The following GADL1 variants were observed in gnomAD, a reference collection of about 807,000 sequenced individuals.
GADL1 encodes GAD like acidic amino acid decarboxylase 1.
GADL1 carries 71 observed loss-of-function variants against 69.5 expected under a neutral mutation model. The observed-to-expected ratio is 1.02, with a 90% CI of 0.84 to 1.25. The LOEUF (loss-of-function observed/expected upper bound fraction) is 1.25, where lower values mean the gene tolerates loss of function less well. GADL1 is among the 50% of genes most tolerant of loss of function. The pLI is 0.00. For missense variants in GADL1, 737 were observed against 631.8 expected, an observed-to-expected ratio of 1.17 and a Z score of -1.79; for synonymous variants, 254 against 214.4, an observed-to-expected ratio of 1.18 and a Z score of -1.62.
At position 30,802,158 on chromosome 3, in the gene GADL1, G is replaced by A. The variant is rs554924990; in HGVS notation, c.1051-1070C>T. On this transcript the variant is annotated intron_variant, in intron 11 of 14. Transcript: ENST00000282538. ...CAGCTTCATCTGCCCATCTCCTTGG[G>A]CTCAAAGGAGTAACTGGTATTTGGC... 6.6e-5 allele frequency among the ~76,000 whole-genome samples: 10 copies of A among 152,206 alleles called. No individual in the cohort carries two copies. The South Asian group carries it at 2.1e-3, about 32-fold the overall frequency.
intron 2 of GADL1, among the ~76,000 whole-genome samples, chr3:30,860,802 T>G (rs182505049): frequency 1.3e-3 from 191 of 152,106 alleles, no homozygotes; most frequent in South Asian, 8.5e-3. Context: ...AGAGTGCAGA[T>G]TGTGAAGTGA....
chr3:30,827,657 T>C (rs1245926590), intron 11 of GADL1, among the ~76,000 whole-genome samples: 2 of 151,902 alleles, frequency 1.3e-5, no homozygotes, highest in Non-Finnish European at 2.9e-5. Flanking sequence ...TGAAATCGTT[T>C]TTTAACGTGA....
chr3:30,888,235 A>G (rs796705563), intron 1 of GADL1, among the ~76,000 whole-genome samples: 2 of 152,180 alleles, frequency 1.3e-5, no homozygotes, highest in South Asian at 2.1e-4. Context: ...CTGGTTACTT[A>G]TAGGGGAGAA....
At chr3:30,752,309 T>G (rs1184188486) in intron 14 of GADL1, among the ~76,000 whole-genome samples, 2 of 144,164 alleles carry the variant, frequency 1.4e-5, no homozygotes, top group African/African-American at 2.4e-5. Flanking sequence ...ATTTCAGGCG[T>G]TGTAGGGGCC....
At position 30,800,020 on chromosome 3, in the gene GADL1, T is replaced by C. The variant is rs142802892; in HGVS notation, c.1250+869A>G. The C allele has an allele frequency of 6.3e-3, 955 of 152,450 alleles. 4 individuals are homozygous for C. Among genetic ancestry groups the C allele is most frequent in the Non-Finnish European group, 9.3e-3 (631 of 68,156 alleles). 9.4% of individuals were successfully genotyped at this position (152,450 alleles called of 1,614,324 possible). A position where few individuals can be genotyped will look rare whatever the true frequency, so the allele number is the denominator to read the frequency against. On this transcript the variant is annotated intron_variant, in intron 12 of 14. Coordinates refer to ENST00000282538, the MANE Select transcript of GADL1 (RefSeq NM_207359.3). ...CTCTAGGAAGTTCTGAATTTTCCTG[T>C]CTTCTTCTGAGCCCTTCAAACTATT...
intron 14 of GADL1, among the ~76,000 whole-genome samples, chr3:30,772,451 C>G (rs539244104): frequency 2.0e-4 from 30 of 152,326 alleles, no homozygotes; most frequent in Non-Finnish European, 2.6e-4. Flanking sequence ...ATTACATTCT[C>G]TGGGGTCTAA....
At chr3:30,828,658 A>G (rs963803765) in intron 11 of GADL1, among the ~76,000 whole-genome samples, 1 of 151,948 alleles carries the variant, frequency 6.6e-6, no homozygotes, top group African/African-American at 2.4e-5. Flanking sequence ...ATGTCAATAG[A>G]TAAAATTAGA....
chr3:30,844,968 C>G (rs141632742), intron 6 of GADL1, among the ~76,000 whole-genome samples: 52 of 152,126 alleles, frequency 3.4e-4, no homozygotes, highest in African/African-American at 1.2e-3. Context: ...ACTTGAAACC[C>G]TCTAAGGAGA....
At chr3:30,848,584 C>T (rs1698093622) in intron 6 of GADL1, among the ~76,000 whole-genome samples, 1 of 152,006 alleles carries the variant, frequency 6.6e-6, no homozygotes, top group African/African-American at 2.4e-5. Flanking sequence ...TAAACTCATT[C>T]TGCCAAGAAC....
In GADL1 at chr3:30,727,710, AC is replaced by A. The variant is rs1329460780; in HGVS notation, c.*531del. The stretch of plus-strand genomic sequence containing the variant: ...TCGATCATTACAAGGTTTTTCTTAA[AC>A]CAGTGTTTCTCGGATTTTACTGTGC... On this transcript the variant is annotated 3_prime_UTR_variant, in exon 15 of 15. Coordinates refer to ENST00000282538, the MANE Select transcript of GADL1 (RefSeq NM_207359.3). 2.0e-5 allele frequency: 3 copies of A among 152,254 alleles called. No homozygotes were observed. Among genetic ancestry groups the A allele is most frequent in the Admixed American group, 2.0e-4 (3 of 15,286 alleles). 9.4% of individuals were successfully genotyped at this position (152,254 alleles called of 1,614,324 possible).
chr3:30,778,300 C>A, intron 13 of GADL1, 32 bp from the exon 14 acceptor site: 2 of 1,349,788 alleles, frequency 1.5e-6, no homozygotes, highest in Non-Finnish European at 2.1e-6. Context: ...AAGTTGTTAT[C>A]TTAAGATTTA....
At chr3:30,754,083 G>C (rs1258039629) in intron 14 of GADL1, among the ~76,000 whole-genome samples, 1 of 152,168 alleles carries the variant, frequency 6.6e-6, no homozygotes, top group African/African-American at 2.4e-5. Flanking sequence ...TAGTCACACA[G>C]GCTTTCCTGA....
Position 30,728,353 on chromosome 3 carries a change from C to T in GADL1, c.1455G>A (p.Pro485=), listed in dbSNP as rs376871595. Residue 485 remains proline (P), a synonymous_variant, in exon 15 of 15, where the codon CCG becomes CCA. Transcript: ENST00000282538. The part of the protein sequence containing the change: ...KKGSLMLGYQ[P]HRGKVNFFRQ... ...GGAAGAAGTTGACCTTTCCCCGGTGCGGCTGGTAGCCCAGCATCAAGCTTC... is the reference window on the plus strand; with the variant it reads ...GGAAGAAGTTGACCTTTCCCCGGTGTGGCTGGTAGCCCAGCATCAAGCTTC... 88 of 1,613,628 alleles carry T rather than the reference C, an allele frequency of 5.5e-5. 1 individual carries two copies. Among genetic ancestry groups the T allele is most frequent in the South Asian group, 2.2e-4 (20 of 91,080 alleles).
intron 14 of GADL1, among the ~76,000 whole-genome samples, chr3:30,753,747 CT>C (rs1364680852): frequency 2.7e-5 from 4 of 147,748 alleles, no homozygotes; most frequent in Non-Finnish European, 1.5e-5. Flanking sequence ...ACTTAATTTG[CT>C]TTTTAACTAA....
At chr3:30,754,813 T>TG (rs1347389413) in intron 14 of GADL1, among the ~76,000 whole-genome samples, 1 of 152,118 alleles carries the variant, frequency 6.6e-6, no homozygotes, top group Non-Finnish European at 1.5e-5. Context: ...TTTCTAAAAA[T>TG]GAATTTTAAC....
At chr3:30,735,631 T>C (rs1695531545) in intron 14 of GADL1, among the ~76,000 whole-genome samples, 1 of 152,154 alleles carries the variant, frequency 6.6e-6, no homozygotes, top group Admixed American at 6.5e-5. Context: ...GGACTTGGGC[T>C]GAGGGGAAGG....
intron 12 of GADL1, among the ~76,000 whole-genome samples, chr3:30,795,857 G>C (rs765929166): frequency 6.6e-6 from 1 of 151,932 alleles, no homozygotes; most frequent in East Asian, 1.9e-4. Context: ...GGAAAGTTAA[G>C]GCAAAAAAAC....
intron 14 of GADL1, among the ~76,000 whole-genome samples, chr3:30,766,241 G>GAT (rs1400239758): frequency 4.6e-5 from 7 of 152,156 alleles, no homozygotes; most frequent in Admixed American, 4.6e-4. Context: ...AGGCATCAGG[G>GAT]ATGAAAGCAG....
At chr3:30,735,651 A>G (rs1484329202) in intron 14 of GADL1, among the ~76,000 whole-genome samples, 1 of 152,200 alleles carries the variant, frequency 6.6e-6, no homozygotes, top group Non-Finnish European at 1.5e-5. Context: ...GGTTGACTAC[A>G]AAGGGTCAGT....
Sources: allele counts gnomAD v4.1 joint callset (sites outside exome capture counted in the v4.1 genomes callset), GRCh38; gene constraint gnomAD v4.1.1; transcripts MANE v1.5; gene names NCBI Gene and HGNC (gene_info 2026-07-23, HGNC 2026-07-21).